FLRT2: variants seen among roughly 807,000 people sequenced by gnomAD.
FLRT2 encodes leucine-rich repeat transmembrane protein FLRT2.
In FLRT2, 15 loss-of-function variants were observed where a neutral mutation model predicts 40.0. The ratio of observed to expected loss-of-function variants is 0.38; its 90% CI spans 0.25 to 0.58. The LOEUF is 0.58. Among genes scored for constraint, FLRT2 ranks in the 20% least tolerant of loss-of-function variants. The pLI is 0.71. For synonymous variants in FLRT2, 380 were observed against 336.8 expected (o/e 1.13, Z -1.41); for missense variants, 726 against 840.0 (o/e 0.86, Z 1.68).
chr14:85,578,174 ATATCTT>A lies in FLRT2; in HGVS notation c.-376-42961_-376-42956del, dbSNP rs1252188926. Among the ~76,000 whole-genome samples, 10 of 135,494 alleles carry A rather than the reference ATATCTT, an allele frequency of 7.4e-5. No homozygotes were observed. The East Asian group carries it at 8.4e-4, about 11-fold the overall frequency. The allele number at this position is 135,494 out of a possible 152,430, so 88.9% of individuals were successfully genotyped here. On this transcript the variant is annotated intron_variant, in intron 1 of 1. Coordinates refer to ENST00000330753, the MANE Select transcript of FLRT2 (RefSeq NM_013231.6). ...TATAAAAATATCTTTATATATAAAAATATCTTTATATATATTTATATATATTTATAT... is the reference window on the plus strand; with the variant it reads ...TATAAAAATATCTTTATATATAAAAATATATATATTTATATATATTTATAT...
intron 1 of FLRT2, among the ~76,000 whole-genome samples, chr14:85,534,230 T>C (rs919698377): frequency 6.6e-6 from 1 of 152,186 alleles, no homozygotes; most frequent in Admixed American, 6.5e-5. Context: ...TGGTGCCTCA[T>C]CTTGTAGCTC....
At position 85,627,889 on chromosome 14, in the gene FLRT2, T is replaced by C. The variant is rs1225428942; in HGVS notation, c.*4392T>C. 6.0e-6 allele frequency: 1 copy of C among 167,112 alleles called. No individual in the cohort carries two copies. Among genetic ancestry groups the C allele is most frequent in the Non-Finnish European group, 1.5e-5 (1 of 68,120 alleles). The allele number at this position is 167,112 out of a possible 1,614,324, so 10.4% of individuals were successfully genotyped here. A position where few individuals can be genotyped will look rare whatever the true frequency, so the allele number is the denominator to read the frequency against. On this transcript the variant is annotated 3_prime_UTR_variant, in exon 2 of 2. Transcript: ENST00000330753. The stretch of plus-strand genomic sequence containing the variant: ...CACTCTACACTATACAGTACCTTGT[T>C]GATATATTCAGTAAAGTCTTATTTT...
In FLRT2 at chr14:85,651,759, T is replaced by A. The variant is rs900236859; in HGVS notation, c.*28262T>A. On this transcript the variant is annotated 3_prime_UTR_variant, in exon 2 of 2. Coordinates refer to ENST00000330753, the MANE Select transcript of FLRT2 (RefSeq NM_013231.6). Reference sequence around the variant, plus strand: ...AATTGTGTGCCTTACAAGGAGGTTTTACTTTTTCCCTCAATGGATTTGGAA... The same window carrying A: ...AATTGTGTGCCTTACAAGGAGGTTTAACTTTTTCCCTCAATGGATTTGGAA... 2 of 152,138 alleles carry A rather than the reference T, an allele frequency of 1.3e-5. No homozygotes were observed. The highest frequency in any genetic ancestry group is 4.8e-5 in the African/African-American group (2 of 41,456). 9.4% of individuals were successfully genotyped at this position (152,138 alleles called of 1,614,324 possible).
At chr14:85,553,969 G>A (rs1402389474) in intron 1 of FLRT2, among the ~76,000 whole-genome samples, 2 of 152,136 alleles carry the variant, frequency 1.3e-5, no homozygotes, top group African/African-American at 2.4e-5. Flanking sequence ...GGGTAGGGTA[G>A]ATACTTGTCA....
In FLRT2 at chr14:85,651,839, A is replaced by G. The variant is rs1166938382; in HGVS notation, c.*28342A>G. ...TGGTTTCCTGAAAATCTCAGCATGCATATTTGACTTAAATTCTAAAATTAA... is the reference window on the plus strand; with the variant it reads ...TGGTTTCCTGAAAATCTCAGCATGCGTATTTGACTTAAATTCTAAAATTAA... On this transcript the variant is annotated 3_prime_UTR_variant, in exon 2 of 2. Transcript: ENST00000330753. The G allele has an allele frequency of 6.6e-6, 1 of 152,126 alleles. No homozygotes were observed. Among genetic ancestry groups the G allele is most frequent in the East Asian group, 1.9e-4 (1 of 5,192 alleles). 9.4% of individuals were successfully genotyped at this position (152,126 alleles called of 1,614,324 possible). A position where few individuals can be genotyped will look rare whatever the true frequency, so the allele number is the denominator to read the frequency against.
chr14:85,544,449 A>AG (rs1889161047), intron 1 of FLRT2, among the ~76,000 whole-genome samples: 1 of 152,220 alleles, frequency 6.6e-6, no homozygotes, highest in African/African-American at 2.4e-5. Flanking sequence ...AGCAAAGCAA[A>AG]GGTCTTGTGA....
chr14:85,535,098 A>G (rs1888565900), intron 1 of FLRT2, among the ~76,000 whole-genome samples: 1 of 152,210 alleles, frequency 6.6e-6, no homozygotes, highest in African/African-American at 2.4e-5. Context: ...ATTTCTTTAC[A>G]TGCTGCATTT....
At chr14:85,542,222 T>C (rs80233776) in intron 1 of FLRT2, among the ~76,000 whole-genome samples, 1,566 of 152,312 alleles carry the variant, frequency 0.01, 27 homozygotes, top group African/African-American at 0.035. Flanking sequence ...CTACTGCAGA[T>C]ACTTCTGAAC....
intron 1 of FLRT2, among the ~76,000 whole-genome samples, chr14:85,589,287 T>A (rs1891777581): frequency 6.6e-6 from 1 of 152,216 alleles, no homozygotes; most frequent in South Asian, 2.1e-4. Flanking sequence ...ATTGCCTCTC[T>A]TCTGCATATA....
chr14:85,594,952 G>A (rs1458823475), intron 1 of FLRT2, among the ~76,000 whole-genome samples: 1 of 152,144 alleles, frequency 6.6e-6, no homozygotes, highest in Non-Finnish European at 1.5e-5. Context: ...TAAGGAAATT[G>A]TAAGGAAAAT....
rs908184652 is a variant in FLRT2 at position 85,635,415 on chromosome 14, C to T, written c.*11918C>T. ...ACTTCTCCCTCAAAACAAGGAAATA[C>T]AAACTATATTACTAAGTAGACTATT... On this transcript the variant is annotated 3_prime_UTR_variant, in exon 2 of 2. Coordinates refer to ENST00000330753, the MANE Select transcript of FLRT2 (RefSeq NM_013231.6). 2.0e-5 allele frequency: 3 copies of T among 151,978 alleles called. No homozygotes were observed. Among genetic ancestry groups the T allele is most frequent in the Non-Finnish European group, 4.4e-5 (3 of 67,946 alleles). 9.4% of individuals were successfully genotyped at this position (151,978 alleles called of 1,614,324 possible).
chr14:85,591,365 G>A (rs1447861391), intron 1 of FLRT2, among the ~76,000 whole-genome samples: 2 of 152,130 alleles, frequency 1.3e-5, no homozygotes, highest in Non-Finnish European at 2.9e-5. Flanking sequence ...CAAAACCACT[G>A]TAGAAAAACT....
chr14:85,568,925 T>C (rs1890764909), intron 1 of FLRT2, among the ~76,000 whole-genome samples: 1 of 151,638 alleles, frequency 6.6e-6, no homozygotes, highest in African/African-American at 2.4e-5. Flanking sequence ...ATTCCGTCTG[T>C]CTCCTCTTTT....
chr14:85,625,340 TC>T lies in FLRT2; in HGVS notation c.*1844del, dbSNP rs1357171739. The T allele has an allele frequency of 6.0e-6, 1 of 167,074 alleles. No individual in the cohort carries two copies. Among genetic ancestry groups the T allele is most frequent in the Non-Finnish European group, 1.5e-5 (1 of 68,130 alleles). The allele number at this position is 167,074 out of a possible 1,614,324, so 10.3% of individuals were successfully genotyped here. On this transcript the variant is annotated 3_prime_UTR_variant, in exon 2 of 2. Transcript: ENST00000330753. The stretch of plus-strand genomic sequence containing the variant: ...CTCAGCAAAATAAAACTGTGATGTG[TC>T]TTCTTTGTAAAAGTTTAGGTATAAA...
intron 1 of FLRT2, among the ~76,000 whole-genome samples, chr14:85,586,559 A>G (rs1454774405): frequency 6.6e-6 from 1 of 151,280 alleles, no homozygotes; most frequent in African/African-American, 2.4e-5. Context: ...ACTTAAAAAA[A>G]GAATACTTAC....
intron 1 of FLRT2, among the ~76,000 whole-genome samples, chr14:85,576,872 A>G (rs1045808661): frequency 2.6e-5 from 4 of 152,246 alleles, no homozygotes; most frequent in African/African-American, 9.6e-5. Flanking sequence ...TTCTGCTGGC[A>G]GACCCCAAAT....
At chr14:85,580,982 T>C (rs1891362015) in intron 1 of FLRT2, among the ~76,000 whole-genome samples, 2 of 152,346 alleles carry the variant, frequency 1.3e-5, no homozygotes, top group African/African-American at 4.8e-5. Flanking sequence ...TCCATAGTGA[T>C]GATTCAGGTT....
intron 1 of FLRT2, among the ~76,000 whole-genome samples, chr14:85,569,676 T>G (rs1890802033): frequency 6.6e-6 from 1 of 152,228 alleles, no homozygotes; most frequent in Non-Finnish European, 1.5e-5. Flanking sequence ...CCTTTGGTTA[T>G]CACGGTTTGT....
intron 1 of FLRT2, among the ~76,000 whole-genome samples, chr14:85,615,931 G>C (rs1057349155): frequency 2.6e-5 from 4 of 152,148 alleles, no homozygotes; most frequent in Admixed American, 1.3e-4. Context: ...TGGAATACAG[G>C]CTCCTGGAAT....
Sources: gnomAD v4.1 joint callset for allele counts (sites outside exome capture counted in the v4.1 genomes callset) on GRCh38, gnomAD v4.1.1 for gene constraint, MANE v1.5 for transcripts, NCBI Gene and HGNC (gene_info 2026-07-23, HGNC 2026-07-21) for gene names.